Variants in PLD5 observed in about 807,000 individuals in gnomAD.
PLD5 encodes the protein inactive phospholipase D5.
A neutral mutation model predicts 61.1 loss-of-function variants in PLD5; 36 were observed. That is an observed-to-expected ratio of 0.59 (90% CI 0.45 to 0.78). The LOEUF (loss-of-function observed/expected upper bound fraction) is 0.78. Among genes scored for constraint, PLD5 ranks in the 30% least tolerant of loss-of-function variants. The pLI, the probability that PLD5 is intolerant of heterozygous loss-of-function variation, is 0.00. For synonymous variants in PLD5, 243 were observed against 242.8 expected, an observed-to-expected ratio of 1.00 and a Z score of -0.01; for missense variants, 515 against 644.4, an observed-to-expected ratio of 0.80 and a Z score of 2.17.
intron 9 of PLD5, among the ~76,000 whole-genome samples, chr1:242,091,970 G>A (rs1659868444): frequency 6.6e-6 from 1 of 151,732 alleles, no homozygotes; most frequent in Non-Finnish European, 1.5e-5. Context: ...GGGATTACAG[G>A]AGCCCACCAC....
At chr1:242,116,902 C>G (rs913725553) in intron 6 of PLD5, among the ~76,000 whole-genome samples, 1 of 152,130 alleles carries the variant, frequency 6.6e-6, no homozygotes, top group African/African-American at 2.4e-5. Flanking sequence ...CATCAGCACA[C>G]AGATATACAG....
In PLD5 at chr1:242,442,128, C is replaced by T. The variant is rs144282105; in HGVS notation, c.189+81960G>A. On this transcript the variant is annotated intron_variant, in intron 1 of 9. Transcript: ENST00000536534. ...GCACAAAGTGTCTAGGGCATGGACTCGGTTGCCCAGTGATTTAAAAAATAC... is the reference window on the plus strand; with the variant it reads ...GCACAAAGTGTCTAGGGCATGGACTTGGTTGCCCAGTGATTTAAAAAATAC... 3.3e-5 allele frequency among the ~76,000 whole-genome samples: 5 copies of T among 152,292 alleles called. No homozygotes were observed. In the East Asian group the frequency reaches 5.8e-4, roughly 18 times the overall value.
At chr1:242,346,320 A>C (rs1413984239) in intron 2 of PLD5, among the ~76,000 whole-genome samples, 1 of 152,138 alleles carries the variant, frequency 6.6e-6, no homozygotes, top group Non-Finnish European at 1.5e-5. Flanking sequence ...ATACCTGATA[A>C]TGTGCACTGA....
intron 7 of PLD5, among the ~76,000 whole-genome samples, chr1:242,111,258 T>C (rs1050560528): frequency 2.0e-5 from 3 of 152,134 alleles, no homozygotes; most frequent in Non-Finnish European, 4.4e-5. Flanking sequence ...GTTTTCACCA[T>C]GTTGGCCAGG....
chr1:242,274,174 A>G (rs1674274732), intron 3 of PLD5, among the ~76,000 whole-genome samples: 4 of 152,266 alleles, frequency 2.6e-5, no homozygotes, highest in Admixed American at 2.6e-4. Flanking sequence ...AAAAGATACT[A>G]CAAAGTTAAT....
chr1:242,383,048 G>C (rs1170076149), intron 1 of PLD5, among the ~76,000 whole-genome samples: 1 of 152,122 alleles, frequency 6.6e-6, no homozygotes, highest in African/African-American at 2.4e-5. Context: ...AACAAATGTA[G>C]ATCTACTACA....
chr1:242,306,798 TTACGC>T (rs1429497733), intron 2 of PLD5, among the ~76,000 whole-genome samples: 1 of 34,882 alleles, frequency 2.9e-5, no homozygotes, highest in Non-Finnish European at 5.8e-5. Flanking sequence ...CACACCCCAC[TTACGC>T]AAACAAACTC....
rs1025299477 is a variant in PLD5, at chr1:242,245,070, G to A, written c.607+20267C>T. Among the ~76,000 whole-genome samples, 5 of 152,158 alleles carry A rather than the reference G, an allele frequency of 3.3e-5. No homozygotes were observed. The East Asian group carries it at 9.6e-4, about 29-fold the overall frequency. ...GCTGGGAGCCTCAGGCATGTGCCAA[G>A]TACATTACCATGCTGTTGTTTTTCC... On this transcript the variant is annotated intron_variant, in intron 4 of 9. Coordinates refer to ENST00000536534, the MANE Select transcript of PLD5 (RefSeq NM_001372062.1).
At chr1:242,316,503 T>A (rs1472732736) in intron 2 of PLD5, among the ~76,000 whole-genome samples, 7 of 152,212 alleles carry the variant, frequency 4.6e-5, no homozygotes, top group Non-Finnish European at 8.8e-5. Flanking sequence ...CTTTTTCTCA[T>A]TTTATGCCTT....
intron 7 of PLD5, among the ~76,000 whole-genome samples, chr1:242,108,816 G>C (rs942642502): frequency 5.3e-5 from 8 of 152,166 alleles, no homozygotes; most frequent in Admixed American, 1.3e-4. Context: ...ACCTCTAAAG[G>C]CCTCCTGTCC....
chr1:242,350,727 C>T (rs1216435162), intron 1 of PLD5, among the ~76,000 whole-genome samples: 1 of 152,120 alleles, frequency 6.6e-6, no homozygotes, highest in African/African-American at 2.4e-5. Context: ...TTCAAATCCT[C>T]CTTCAGGCCT....
intron 1 of PLD5, among the ~76,000 whole-genome samples, chr1:242,459,122 A>G (rs1471506510): frequency 6.6e-6 from 1 of 152,220 alleles, no homozygotes; most frequent in African/African-American, 2.4e-5. Flanking sequence ...TGTTACATGG[A>G]TGGGAGATAG....
intron 1 of PLD5, among the ~76,000 whole-genome samples, chr1:242,447,435 A>T (rs896017752): frequency 2.0e-5 from 3 of 152,214 alleles, no homozygotes; most frequent in Non-Finnish European, 4.4e-5. Context: ...TGAAAATCCA[A>T]TCTATAGATT....
At chr1:242,364,787 T>TAAA (rs1056131333) in intron 1 of PLD5, among the ~76,000 whole-genome samples, 1 of 152,058 alleles carries the variant, frequency 6.6e-6, no homozygotes, top group African/African-American at 2.4e-5. Flanking sequence ...ATGTATACTT[T>TAAA]AAAAATGTAA....
At chr1:242,264,781 A>G (rs1424312484) in intron 4 of PLD5, among the ~76,000 whole-genome samples, 2 of 152,196 alleles carry the variant, frequency 1.3e-5, no homozygotes, top group African/African-American at 4.8e-5. Flanking sequence ...TTCGGTTGAC[A>G]TTATAGCAAA....
intron 5 of PLD5, among the ~76,000 whole-genome samples, chr1:242,204,221 C>A: frequency 6.6e-6 from 1 of 150,594 alleles, no homozygotes; most frequent in East Asian, 2.0e-4. Context: ...CCAGTCTGGG[C>A]GACAGAGCGA....
At chr1:242,494,614 G>C (rs544395470) in intron 1 of PLD5, among the ~76,000 whole-genome samples, 2 of 152,202 alleles carry the variant, frequency 1.3e-5, no homozygotes, top group African/African-American at 4.8e-5. Context: ...GCGGTTGCTT[G>C]CTGGATACTA....
chr1:242,381,389 T>TA (rs1223519259), intron 1 of PLD5, among the ~76,000 whole-genome samples: 1 of 151,910 alleles, frequency 6.6e-6, no homozygotes, highest in Non-Finnish European at 1.5e-5. Flanking sequence ...CTAGGGCCTA[T>TA]AGGTGGTTGG....
At chr1:242,248,064 G>T (rs1054536206) in intron 4 of PLD5, among the ~76,000 whole-genome samples, 1 of 152,140 alleles carries the variant, frequency 6.6e-6, no homozygotes, top group Non-Finnish European at 1.5e-5. Context: ...TATGATTAAA[G>T]CTTTTGTTGA....
Sources: allele counts gnomAD v4.1 joint callset (sites outside exome capture counted in the v4.1 genomes callset), GRCh38; gene constraint gnomAD v4.1.1; transcripts MANE v1.5; gene names NCBI Gene and HGNC (gene_info 2026-07-23, HGNC 2026-07-21).